The following PDCD1LG2 variants were observed in gnomAD, a reference collection of about 807,000 sequenced individuals.
PDCD1LG2 encodes the protein B7 dendritic cell molecule.
Under a neutral mutation model 28.2 loss-of-function variants are expected in PDCD1LG2, and 32 were observed. The ratio of observed to expected loss-of-function variants is 1.13; its 90% CI spans 0.86 to 1.52. The LOEUF (loss-of-function observed/expected upper bound fraction) is 1.52, where lower values mean the gene tolerates loss of function less well. Among genes scored for constraint, PDCD1LG2 ranks in the 40% most tolerant of loss-of-function variants. The probability of loss-of-function intolerance (pLI) is 0.00; values close to 1 mark genes in which losing one functional copy is unlikely to be tolerated. For synonymous variants in PDCD1LG2, 116 were observed against 120.2 expected (o/e 0.97, Z 0.23); for missense variants, 385 against 323.8 (o/e 1.19, Z -1.45).
intron 2 of PDCD1LG2, among the ~76,000 whole-genome samples, chr9:5,527,149 G>A (rs1157753523): frequency 6.6e-6 from 1 of 152,192 alleles, no homozygotes; most frequent in Non-Finnish European, 1.5e-5. Flanking sequence ...ATATATACAT[G>A]GATGTACTTA....
At chr9:5,531,538 A>T (rs888687956) in intron 2 of PDCD1LG2, among the ~76,000 whole-genome samples, 1 of 152,122 alleles carries the variant, frequency 6.6e-6, no homozygotes, top group African/African-American at 2.4e-5. Flanking sequence ...TATGCCTATC[A>T]CTCCTGGCAC....
intron 1 of PDCD1LG2, among the ~76,000 whole-genome samples, chr9:5,517,784 T>C (rs1820196113): frequency 6.6e-6 from 1 of 151,956 alleles, no homozygotes; most frequent in Non-Finnish European, 1.5e-5. Context: ...GAAGGGCCAA[T>C]AGGGTTGGTT....
At position 5,553,094 on chromosome 9, in the gene PDCD1LG2, C is replaced by T. The variant is rs551231095; in HGVS notation, c.631+3490C>T. ...TGTACTCCACTCCAGCCTGGGCAAC[C>T]GAGTGAGACTCTGTCTCCAAAAAAG... On this transcript the variant is annotated intron_variant, in intron 4 of 6. Coordinates refer to ENST00000397747, the MANE Select transcript of PDCD1LG2 (RefSeq NM_025239.4). Among the ~76,000 whole-genome samples, 21 of 151,806 alleles carry T rather than the reference C, an allele frequency of 1.4e-4. No homozygotes were observed. The South Asian group carries it at 1.9e-3, about 14-fold the overall frequency.
intron 3 of PDCD1LG2, among the ~76,000 whole-genome samples, chr9:5,537,290 T>A (rs1820598104): frequency 6.6e-6 from 1 of 152,160 alleles, no homozygotes; most frequent in Admixed American, 6.5e-5. Context: ...TGAGGCTGAA[T>A]TCTATTATAT....
intron 1 of PDCD1LG2, among the ~76,000 whole-genome samples, chr9:5,516,004 G>C (rs551724250): frequency 6.6e-6 from 1 of 151,562 alleles, no homozygotes; most frequent in African/African-American, 2.4e-5. Context: ...CCCCTAGCTG[G>C]TAGTCCCAAT....
At chr9:5,521,811 G>T (rs1820279698) in intron 1 of PDCD1LG2, among the ~76,000 whole-genome samples, 1 of 152,172 alleles carries the variant, frequency 6.6e-6, no homozygotes. Context: ...CTCAGTTTCA[G>T]ACCATTATCA....
chr9:5,525,029 A>T (rs866473062), intron 2 of PDCD1LG2, among the ~76,000 whole-genome samples: 2 of 152,186 alleles, frequency 1.3e-5, no homozygotes, highest in African/African-American at 2.4e-5. Flanking sequence ...ATCAGTGCAC[A>T]TTTCTTTTCT....
chr9:5,557,569 A>G, intron 4 of PDCD1LG2, 49 bp from the exon 5 acceptor site: 2 of 1,607,182 alleles, frequency 1.2e-6, no homozygotes, highest in South Asian at 2.2e-5. Flanking sequence ...CTGTTGGTCT[A>G]CCTCTTAGTT....
At chr9:5,554,751 G>A (rs1385183731) in intron 4 of PDCD1LG2, among the ~76,000 whole-genome samples, 1 of 152,236 alleles carries the variant, frequency 6.6e-6, no homozygotes, top group Non-Finnish European at 1.5e-5. Context: ...TGGCAGAAAA[G>A]AGAATCCTTC....
chr9:5,547,008 C>A (rs1316322561), intron 3 of PDCD1LG2, among the ~76,000 whole-genome samples: 2 of 152,096 alleles, frequency 1.3e-5, no homozygotes, highest in Admixed American at 1.3e-4. Flanking sequence ...AAATTGTCAA[C>A]TCTTAACATT....
intron 4 of PDCD1LG2, among the ~76,000 whole-genome samples, chr9:5,553,432 G>C (rs2129900053): frequency 6.6e-6 from 1 of 152,334 alleles, no homozygotes; most frequent in South Asian, 2.1e-4. Flanking sequence ...GCCTGGTTAA[G>C]TGTAGGCCAG....
chr9:5,516,955 C>G (rs183363891), intron 1 of PDCD1LG2, among the ~76,000 whole-genome samples: 1 of 152,184 alleles, frequency 6.6e-6, no homozygotes, highest in East Asian at 1.9e-4. Flanking sequence ...TGGGAGCATG[C>G]GGTTCCCACC....
At chr9:5,515,325 G>A (rs1467381977) in intron 1 of PDCD1LG2, among the ~76,000 whole-genome samples, 1 of 152,158 alleles carries the variant, frequency 6.6e-6, no homozygotes, top group Admixed American at 6.5e-5. Flanking sequence ...GAACATGTTC[G>A]TTTTTGTCTC....
chr9:5,565,803 T>C (rs1816655119), intron 6 of PDCD1LG2, among the ~76,000 whole-genome samples: 1 of 152,078 alleles, frequency 6.6e-6, no homozygotes, highest in Admixed American at 6.6e-5. Context: ...TAAAAAACAA[T>C]ATTAAAATAA....
rs755658336 is a variant in PDCD1LG2 at position 5,518,713 on chromosome 9, TTTCTC to T, written c.-14-3814_-14-3810del. Among the ~76,000 whole-genome samples, 4 of 152,314 alleles carry T rather than the reference TTTCTC, an allele frequency of 2.6e-5. No homozygotes were observed. The East Asian group carries it at 5.8e-4, about 22-fold the overall frequency. ...ACATTTCCCTCTAGCTACTGACTCATTTCTCTTCTCCTTTTTATAGCACTCTTCTT... is the reference window on the plus strand; with the variant it reads ...ACATTTCCCTCTAGCTACTGACTCATTTCTCCTTTTTATAGCACTCTTCTT... On this transcript the variant is annotated intron_variant, in intron 1 of 6. Coordinates refer to ENST00000397747, the MANE Select transcript of PDCD1LG2 (RefSeq NM_025239.4).
chr9:5,530,669 T>C (rs1009488967), intron 2 of PDCD1LG2, among the ~76,000 whole-genome samples: 2 of 152,140 alleles, frequency 1.3e-5, no homozygotes, highest in Non-Finnish European at 2.9e-5. Flanking sequence ...AGTTTCCCCA[T>C]CTGTAAAATG....
Position 5,571,197 on chromosome 9 carries a change from A to G in PDCD1LG2, c.*1238A>G. On this transcript the variant is annotated 3_prime_UTR_variant, in exon 7 of 7. Transcript: ENST00000397747. Reference sequence around the variant, plus strand: ...ACAAATCATACATCTCAGTTTCTCAATTCTCATGTAAATCAGAGAATGCCT... The same window carrying G: ...ACAAATCATACATCTCAGTTTCTCAGTTCTCATGTAAATCAGAGAATGCCT... 1 of 232,984 alleles carries G rather than the reference A, an allele frequency of 4.3e-6. No homozygotes were observed. The highest frequency in any genetic ancestry group is 6.1e-5 in the East Asian group (1 of 16,518). The allele number at this position is 232,984 out of a possible 1,614,324, so 14.4% of individuals were successfully genotyped here.
At chr9:5,565,337 G>A (rs376799303) in intron 6 of PDCD1LG2, among the ~76,000 whole-genome samples, 8 of 152,098 alleles carry the variant, frequency 5.3e-5, no homozygotes, top group South Asian at 4.2e-4. Context: ...GCATGCCACC[G>A]TACCTGGATT....
chr9:5,562,035 G>A (rs770561767), intron 5 of PDCD1LG2, among the ~76,000 whole-genome samples: 100 of 152,152 alleles, frequency 6.6e-4, no homozygotes, highest in Admixed American at 3.3e-4. Flanking sequence ...GCCAAGCTCA[G>A]GATAGTCATG....
Sources: gnomAD v4.1 joint callset for allele counts (sites outside exome capture counted in the v4.1 genomes callset) on GRCh38, gnomAD v4.1.1 for gene constraint, MANE v1.5 for transcripts, NCBI Gene and HGNC (gene_info 2026-07-23, HGNC 2026-07-21) for gene names.